The following SPMAP2L variants were observed in gnomAD, a reference collection of about 807,000 sequenced individuals.
SPMAP2L encodes the protein sperm microtubule associated protein 2-like.
chr4:56,543,396 T>A, the SPMAP2L span, among the ~76,000 whole-genome samples: 1 of 152,108 alleles, frequency 6.6e-6, no homozygotes, highest in South Asian at 2.1e-4. Context: ...TTTTGCTTTT[T>A]AAAATAAAGT....
chr4:56,561,437 G>T, the SPMAP2L span, among the ~76,000 whole-genome samples: 1 of 152,110 alleles, frequency 6.6e-6, no homozygotes, highest in Admixed American at 6.5e-5. Flanking sequence ...CATAGCGCTG[G>T]CATCTGCTCG....
chr4:56,617,750 T>C, the SPMAP2L span, among the ~76,000 whole-genome samples: 5 of 152,198 alleles, frequency 3.3e-5, no homozygotes, highest in Non-Finnish European at 5.9e-5. Context: ...GTTCTTGCCT[T>C]GGTGTACCAG....
chr4:56,618,899 G>C, the SPMAP2L span, among the ~76,000 whole-genome samples: 1 of 152,164 alleles, frequency 6.6e-6, no homozygotes, highest in South Asian at 2.1e-4. Flanking sequence ...TACGTTATCT[G>C]TGCAGGAGGG....
chr4:56,577,103 A>G, the SPMAP2L span, among the ~76,000 whole-genome samples: 1 of 152,290 alleles, frequency 6.6e-6, no homozygotes, highest in East Asian at 1.9e-4. Context: ...AAATTAAAGT[A>G]CTTAAAGCAC....
chr4:56,609,985 A>G, the SPMAP2L span, among the ~76,000 whole-genome samples: 2 of 152,232 alleles, frequency 1.3e-5, no homozygotes, highest in African/African-American at 4.8e-5. Context: ...TCCCATGCTT[A>G]TGGATGGGTA....
the SPMAP2L span, chr4:56,584,579 G>A: frequency 3.2e-4 from 498 of 1,535,320 alleles, 2 homozygotes; most frequent in African/African-American, 6.0e-3. Flanking sequence ...AGTAGCCAAA[G>A]GCACAGACCC....
chr4:56,603,132 C>T, the SPMAP2L span: 5 of 964,086 alleles, frequency 5.2e-6, no homozygotes, highest in Non-Finnish European at 7.6e-6. Flanking sequence ...ACATAACATA[C>T]AGTGGATGCT....
the SPMAP2L span, among the ~76,000 whole-genome samples, chr4:56,553,508 TTTA>T: frequency 6.6e-6 from 1 of 151,476 alleles, no homozygotes; most frequent in Non-Finnish European, 1.5e-5. Flanking sequence ...CTTTTTTTTT[TTTA>T]AACAAAATTA....
chr4:56,597,805 A>G, the SPMAP2L span, among the ~76,000 whole-genome samples: 2 of 152,218 alleles, frequency 1.3e-5, no homozygotes, highest in Non-Finnish European at 2.9e-5. Flanking sequence ...AACACTTTCA[A>G]GACTACTGAG....
chr4:56,606,747 A>C, the SPMAP2L span, among the ~76,000 whole-genome samples: 7 of 152,196 alleles, frequency 4.6e-5, no homozygotes, highest in African/African-American at 1.7e-4. Flanking sequence ...AGGACAGGTT[A>C]AGGATTTTAG....
chr4:56,561,472 T>C, the SPMAP2L span, among the ~76,000 whole-genome samples: 1 of 152,164 alleles, frequency 6.6e-6, no homozygotes, highest in South Asian at 2.1e-4. Context: ...CTTTTCATGC[T>C]ACCTCATAAC....
chr4:56,605,362 G>A, the SPMAP2L span, among the ~76,000 whole-genome samples: 1 of 152,108 alleles, frequency 6.6e-6, no homozygotes, highest in Non-Finnish European at 1.5e-5. Flanking sequence ...CTTATTGGGA[G>A]AGATGATTTC....
the SPMAP2L span, among the ~76,000 whole-genome samples, chr4:56,559,897 T>G: frequency 6.6e-6 from 1 of 152,134 alleles, no homozygotes; most frequent in Admixed American, 6.5e-5. Context: ...AAAATGGACA[T>G]AGAGCTTTTA....
At chr4:56,569,543 C>T in the SPMAP2L span, among the ~76,000 whole-genome samples, 1 of 151,916 alleles carries the variant, frequency 6.6e-6, no homozygotes, top group Non-Finnish European at 1.5e-5. Context: ...GGTGTGGTGG[C>T]TCATGCCTGT....
At chr4:56,591,848 T>C in the SPMAP2L span, among the ~76,000 whole-genome samples, 2 of 152,228 alleles carry the variant, frequency 1.3e-5, no homozygotes. Flanking sequence ...TGGCTTCTTT[T>C]TCTTATCTAT....
At chr4:56,592,965 G>A in the SPMAP2L span, 22 of 1,605,488 alleles carry the variant, frequency 1.4e-5, no homozygotes, top group African/African-American at 2.5e-4. Flanking sequence ...CATTTGAAAA[G>A]ACCCTTGAAA....
At chr4:56,574,109 A>C in the SPMAP2L span, among the ~76,000 whole-genome samples, 3 of 152,182 alleles carry the variant, frequency 2.0e-5, no homozygotes, top group Non-Finnish European at 2.9e-5. Context: ...GAAAGATTGA[A>C]GGGCAGCGTT....
chr4:56,623,813 A>G, the SPMAP2L span, among the ~76,000 whole-genome samples: 1 of 152,202 alleles, frequency 6.6e-6, no homozygotes, highest in Admixed American at 6.5e-5. Context: ...TGTAAGTCCA[A>G]TTAAACCTCT....
the SPMAP2L span, among the ~76,000 whole-genome samples, chr4:56,613,940 C>G: frequency 1.3e-5 from 2 of 152,196 alleles, no homozygotes; most frequent in Non-Finnish European, 2.9e-5. Flanking sequence ...ATAGCGCTGT[C>G]AGTGCTGGCT....
Sources: gnomAD v4.1 joint callset for allele counts (sites outside exome capture counted in the v4.1 genomes callset) on GRCh38, gnomAD v4.1.1 for gene constraint, MANE v1.5 for transcripts, NCBI Gene and HGNC (gene_info 2026-07-23, HGNC 2026-07-21) for gene names.